Variants in HERC2 observed in about 807,000 individuals in gnomAD.
HERC2 encodes the protein E3 ubiquitin-protein ligase HERC2.
Under a neutral mutation model 537.7 loss-of-function variants are expected in HERC2, and 102 were observed. That is an observed-to-expected ratio of 0.19 (90% confidence interval 0.16 to 0.22). The LOEUF (loss-of-function observed/expected upper bound fraction) is 0.22, where lower values mean the gene tolerates loss of function less well. HERC2 is among the 10% of genes least tolerant of loss of function. HERC2 has a pLI of 1.00. For missense variants in HERC2, 4,236 were observed against 6,198.2 expected (o/e 0.68, Z 10.63); for synonymous variants, 2,224 against 2,466.2 (o/e 0.90, Z 2.91).
chr15:28,173,125 G>C (rs965562514), intron 65 of HERC2, among the ~76,000 whole-genome samples: 1 of 152,120 alleles, frequency 6.6e-6, no homozygotes, highest in South Asian at 2.1e-4. Flanking sequence ...TGGAGGATGT[G>C]GACCTCTGGA....
intron 86 of HERC2, 76 bp from the exon 87 acceptor site, chr15:28,117,230 G>T (rs1202171195): frequency 1.3e-5 from 18 of 1,428,408 alleles, no homozygotes; most frequent in Non-Finnish European, 1.8e-5. Context: ...TGCGGCACTG[G>T]CGAATGCACG....
At chr15:28,220,255 G>A (rs970499822) in intron 37 of HERC2, among the ~76,000 whole-genome samples, 197 bp downstream of exon 37, 10 of 152,204 alleles carry the variant, frequency 6.6e-5, no homozygotes, top group African/African-American at 1.9e-4. Context: ...CAGCCAGATC[G>A]CCGGATCCCA....
rs1456758283 is a variant in HERC2 at position 28,272,948 on chromosome 15, T to C, written c.857A>G (p.Gln286Arg). 1.2e-6 allele frequency: 2 copies of C among 1,612,446 alleles called. No individual in the cohort carries two copies. Among genetic ancestry groups the C allele is most frequent in the South Asian group, 2.2e-5 (2 of 91,004 alleles). ...CAGCAGGATGGCCAGGGCCAAGTGCTGGTCCTGCAGGGGGATGCTTCCTGG... is the reference window on the plus strand; with the variant it reads ...CAGCAGGATGGCCAGGGCCAAGTGCCGGTCCTGCAGGGGGATGCTTCCTGG... ...KGPGSIPLQD[Q>R]HLALAILLEL... The change falls in exon 8 of 93, where the codon CAG becomes CGG. Residue 286 changes from glutamine (Q) to arginine (R), a missense_variant. Physicochemically the swap from Gln to Arg is conservative, Grantham distance 43. Transcript: ENST00000261609.
chr15:28,120,392 G>A (rs990033026), intron 86 of HERC2, among the ~76,000 whole-genome samples: 1 of 152,134 alleles, frequency 6.6e-6, no homozygotes, highest in Non-Finnish European at 1.5e-5. Flanking sequence ...TTAATACAAA[G>A]GTACAGGAAC....
intron 4 of HERC2, among the ~76,000 whole-genome samples, chr15:28,289,985 T>G (rs960004180): frequency 4.6e-5 from 7 of 152,084 alleles, no homozygotes; most frequent in Non-Finnish European, 8.8e-5. Flanking sequence ...CACACCTCAG[T>G]GAGAGGTCTC....
At chr15:28,130,633 A>G in intron 81 of HERC2, 39 bp from the exon 82 acceptor site, 1 of 1,389,880 alleles carries the variant, frequency 7.2e-7, no homozygotes, top group South Asian at 1.2e-5. Context: ...GACAGCAACA[A>G]GGCTCCTGCT....
intron 12 of HERC2, among the ~76,000 whole-genome samples, chr15:28,267,768 C>T (rs1446988017): frequency 6.6e-6 from 1 of 152,268 alleles, no homozygotes; most frequent in Non-Finnish European, 1.5e-5. Context: ...AGGCTCCTCT[C>T]AAGGGACACA....
intron 7 of HERC2, chr15:28,273,296 A>G (rs1183543694): frequency 1.1e-5 from 5 of 455,434 alleles, no homozygotes; most frequent in Non-Finnish European, 1.2e-5. Flanking sequence ...CAAAAACATA[A>G]GTAGAAGAAT....
Position 28,202,183 on chromosome 15 carries a change from G to A in HERC2, c.7547C>T (p.Ala2516Val). 1 of 1,587,174 alleles carries A rather than the reference G, an allele frequency of 6.3e-7. No individual in the cohort carries two copies. The highest frequency in any genetic ancestry group is 8.6e-7 in the Non-Finnish European group (1 of 1,156,530). ...SDIQVTELSD[A>V]DTVSDEYSDE... is the part of the protein sequence containing the mutation. Reference sequence around the variant, plus strand: ...AGAATACTCGTCGGACACCGTGTCTGCATCTGAGAGCTCCGTGACCTGTAT... The same window carrying A: ...AGAATACTCGTCGGACACCGTGTCTACATCTGAGAGCTCCGTGACCTGTAT... Residue 2516 changes from alanine to valine, a missense_variant, in exon 47 of 93, where the codon GCA becomes GTA. Around this residue, in one of 27 missense-constraint regions of HERC2, gnomAD observed 606 missense variants for 884.5 expected, o/e 0.69. Transcript: ENST00000261609.
chr15:28,121,660 C>A (rs948219558), intron 85 of HERC2, among the ~76,000 whole-genome samples: 1 of 152,196 alleles, frequency 6.6e-6, no homozygotes, highest in African/African-American at 2.4e-5. Context: ...GAGGCAGGTC[C>A]CTCAGGAAAC....
intron 5 of HERC2, among the ~76,000 whole-genome samples, chr15:28,275,343 A>G (rs1160351052): frequency 1.3e-5 from 2 of 152,228 alleles, no homozygotes; most frequent in African/African-American, 2.4e-5. Context: ...TAAACCCCAC[A>G]TGGGAGACCA....
In HERC2 at chr15:28,203,640, G is replaced by A. The variant is rs979664570; in HGVS notation, c.7213-1026C>T. ...ACCCCGAGAAGCCTGCATGCAAGAC[G>A]CGCATTTAACCACAGACGGCGCACC... On this transcript the variant is annotated intron_variant, in intron 45 of 92. Coordinates refer to ENST00000261609, the MANE Select transcript of HERC2 (RefSeq NM_004667.6). 13 of 152,054 alleles carry A rather than the reference G, an allele frequency of 8.5e-5. 1 individual carries two copies. Among genetic ancestry groups the A allele is most frequent in the African/African-American group, 2.9e-4 (12 of 41,380 alleles). The allele number at this position is 152,054 out of a possible 1,614,324, so 9.4% of individuals were successfully genotyped here. A position where few individuals can be genotyped will look rare whatever the true frequency, so the allele number is the denominator to read the frequency against.
intron 8 of HERC2, among the ~76,000 whole-genome samples, chr15:28,272,637 C>T (rs2075767682): frequency 6.6e-6 from 1 of 150,420 alleles, no homozygotes; most frequent in Admixed American, 6.6e-5. Context: ...GTTCTAGGAT[C>T]TTAAATTCAT....
At chr15:28,253,943 T>C (rs1008589195) in intron 20 of HERC2, among the ~76,000 whole-genome samples, 2 of 148,628 alleles carry the variant, frequency 1.3e-5, no homozygotes, top group African/African-American at 5.0e-5. Context: ...GCCTGGGCAA[T>C]AGAGCGAGAT....
rs116059806 is a variant in HERC2 at position 28,145,524 on chromosome 15, G to A, written c.11008+713C>T. ...AGCACCAGAAAAACCCACGCCCACT[G>A]GGACCATACCATTTCATGCAAAGCT... On this transcript the variant is annotated intron_variant, in intron 71 of 92. Transcript: ENST00000261609. Among the ~76,000 whole-genome samples, 548 of 152,274 alleles carry A rather than the reference G, an allele frequency of 3.6e-3. 6 individuals carry two copies. Among genetic ancestry groups the A allele is most frequent in the African/African-American group, 0.013 (522 of 41,546 alleles).
chr15:28,187,308 A>G (rs79487803), intron 55 of HERC2, among the ~76,000 whole-genome samples: 197 of 152,156 alleles, frequency 1.3e-3, no homozygotes, highest in African/African-American at 4.6e-3. Flanking sequence ...ATATCACTGA[A>G]TTAAGGAGGT....
intron 20 of HERC2, among the ~76,000 whole-genome samples, chr15:28,252,553 T>C (rs746562994): frequency 2.6e-5 from 4 of 152,192 alleles, no homozygotes; most frequent in Non-Finnish European, 5.9e-5. Context: ...ATTAACTCCA[T>C]GAAAGTAAAC....
Position 28,124,218 on chromosome 15 carries a change from T to C in HERC2, c.13007A>G (p.Asn4336Ser), listed in dbSNP as rs140708332. 8.6e-5 allele frequency: 130 copies of C among 1,506,722 alleles called. 1 individual carries two copies. Among genetic ancestry groups the C allele is most frequent in the Admixed American group, 4.4e-4 (21 of 47,296 alleles). The allele number at this position is 1,506,722 out of a possible 1,614,324, so 93.3% of individuals were successfully genotyped here. ...KLPAQVPMEY[N>S]HLQEIPIIAL... ...AATGATGGGGATCTCCTGCAGGTGA[T>C]TGTACTCCATGGGGACCTAGAACAC... Residue 4336 changes from asparagine to serine, a missense_variant, in exon 85 of 93, where the codon AAT becomes AGT. Physicochemically the swap from Asn to Ser is conservative, Grantham distance 46. Transcript: ENST00000261609.
chr15:28,282,699 C>T (rs865915987), intron 4 of HERC2, among the ~76,000 whole-genome samples: 4 of 152,022 alleles, frequency 2.6e-5, no homozygotes, highest in Admixed American at 2.6e-4. Context: ...TTTCGGAGGC[C>T]GAGGCAGGCG....
Sources: allele counts gnomAD v4.1 joint callset (sites outside exome capture counted in the v4.1 genomes callset), GRCh38; gene constraint gnomAD v4.1.1; regional missense constraint gnomAD v4.1.1; transcripts MANE v1.5; gene names NCBI Gene and HGNC (gene_info 2026-07-23, HGNC 2026-07-21).